Variants in CGNL1 observed in about 807,000 individuals in gnomAD.
The protein encoded by CGNL1 is cingulin-like protein 1.
Under a neutral mutation model 141.2 loss-of-function variants are expected in CGNL1, and 132 were observed. That is an observed-to-expected ratio of 0.93 (90% CI 0.81 to 1.08). The LOEUF (loss-of-function observed/expected upper bound fraction) is 1.08, where lower values mean the gene tolerates loss of function less well. Among genes scored for constraint, CGNL1 ranks in the 50% least tolerant of loss-of-function variants. The pLI is 0.00. For missense variants in CGNL1, 1,870 were observed against 1,588.6 expected (o/e 1.18, Z -3.01); for synonymous variants, 690 against 622.1 (o/e 1.11, Z -1.63).
At chr15:57,492,155 C>T (rs2063873705) in intron 8 of CGNL1, among the ~76,000 whole-genome samples, 1 of 152,210 alleles carries the variant, frequency 6.6e-6, no homozygotes, top group Non-Finnish European at 1.5e-5. Flanking sequence ...GAGGCATACA[C>T]TTGATTTATC....
At chr15:57,406,485 G>A (rs1487384428) in intron 1 of CGNL1, among the ~76,000 whole-genome samples, 1 of 152,200 alleles carries the variant, frequency 6.6e-6, no homozygotes, top group African/African-American at 2.4e-5. Context: ...TCTGAGAAGG[G>A]TGGAGGCGAG....
intron 1 of CGNL1, among the ~76,000 whole-genome samples, chr15:57,419,801 C>G (rs985863018): frequency 6.6e-6 from 1 of 152,188 alleles, no homozygotes; most frequent in Non-Finnish European, 1.5e-5. Context: ...CCCCCTCTTT[C>G]TATACTCTAG....
chr15:57,387,489 A>G (rs183587550), intron 1 of CGNL1, among the ~76,000 whole-genome samples: 158 of 152,272 alleles, frequency 1.0e-3, no homozygotes, highest in African/African-American at 3.6e-3. Context: ...CCCTCATGCC[A>G]GGTTCTTGGT....
At chr15:57,407,415 C>T (rs1008555987) in intron 1 of CGNL1, 6 of 152,256 alleles carry the variant, frequency 3.9e-5, no homozygotes, top group Admixed American at 3.9e-4. Context: ...AATTCCAGCA[C>T]TTTGGAAGGA....
chr15:57,487,543 C>T (rs17820341), intron 8 of CGNL1, among the ~76,000 whole-genome samples: 20,375 of 152,128 alleles, frequency 0.13, 1,538 homozygotes, highest in Non-Finnish European at 0.17. Flanking sequence ...ATATAAGTGT[C>T]ATTGGTTGTT....
At position 57,524,771 on chromosome 15, in the gene CGNL1, G is replaced by A. The variant is rs1339628421; in HGVS notation, c.3039+20G>A. 1.9e-6 allele frequency: 3 copies of A among 1,612,098 alleles called. No individual in the cohort carries two copies. The highest frequency in any genetic ancestry group is 1.3e-5 in the African/African-American group (1 of 74,822). On this transcript the variant is annotated intron_variant, in intron 12 of 18. Transcript: ENST00000281282. Reference sequence around the variant, plus strand: ...GATGAGGTAATGCCTGGCCAGATAAGTTCTTCCTTTATCCCTTATTCAAAG... The same window carrying A: ...GATGAGGTAATGCCTGGCCAGATAAATTCTTCCTTTATCCCTTATTCAAAG...
intron 8 of CGNL1, among the ~76,000 whole-genome samples, chr15:57,483,294 T>C (rs1260310116): frequency 1.3e-5 from 2 of 152,208 alleles, no homozygotes; most frequent in Non-Finnish European, 2.9e-5. Context: ...GCTAAACTTA[T>C]ACCTAAGGGT....
At chr15:57,522,165 T>G (rs1013592881) in intron 10 of CGNL1, among the ~76,000 whole-genome samples, 1 of 152,170 alleles carries the variant, frequency 6.6e-6, no homozygotes, top group Non-Finnish European at 1.5e-5. Context: ...CACCATCTTT[T>G]CCCCAGCAGC....
At chr15:57,437,914 A>AT in intron 1 of CGNL1, 71 bp from the exon 2 acceptor site, 1 of 1,332,144 alleles carries the variant, frequency 7.5e-7, no homozygotes, top group Admixed American at 2.2e-5. Flanking sequence ...CTTCCTAATT[A>AT]TTTCAGTCTT....
At chr15:57,462,691 C>T (rs1410612564) in intron 8 of CGNL1, among the ~76,000 whole-genome samples, 1 of 151,972 alleles carries the variant, frequency 6.6e-6, no homozygotes, top group Admixed American at 6.6e-5. Flanking sequence ...GTTAGTAGGC[C>T]CTCTCTCCCC....
At chr15:57,485,642 T>G (rs2063776347) in intron 8 of CGNL1, among the ~76,000 whole-genome samples, 1 of 152,258 alleles carries the variant, frequency 6.6e-6, no homozygotes, top group East Asian at 1.9e-4. Flanking sequence ...GTGGAATTTT[T>G]TATTTTGTAG....
chr15:57,481,608 G>A (rs1207985990), intron 8 of CGNL1, among the ~76,000 whole-genome samples: 1 of 152,140 alleles, frequency 6.6e-6, no homozygotes, highest in African/African-American at 2.4e-5. Flanking sequence ...CTTATGGGAT[G>A]TTTCTTGTTT....
At chr15:57,418,560 T>C (rs1160209001) in intron 1 of CGNL1, among the ~76,000 whole-genome samples, 2 of 152,196 alleles carry the variant, frequency 1.3e-5, no homozygotes, top group African/African-American at 4.8e-5. Flanking sequence ...GCTGTATTTT[T>C]AGCCCTCTAG....
intron 1 of CGNL1, among the ~76,000 whole-genome samples, chr15:57,379,921 T>TC (rs1444258574): frequency 6.6e-6 from 1 of 152,092 alleles, no homozygotes; most frequent in Non-Finnish European, 1.5e-5. Context: ...CAGCCTGGTG[T>TC]CCCCCGTGTC....
chr15:57,547,422 G>A lies in CGNL1; in HGVS notation c.3841G>A (p.Gly1281Arg). ...DDDDDLSTDGGSLYEAPVSYT... is the reference protein window; with the variant it reads ...DDDDDLSTDGRSLYEAPVSYT... ...CGACGATGACCTCAGCACGGATGGG[G>A]GAAGCCTCTATGAGGCGCCTGTGAG... Residue 1281 changes from glycine to arginine, a missense_variant, in exon 19 of 19, where the codon GGA (glycine) becomes AGA (arginine). Physicochemically the swap from Gly to Arg is moderately radical, Grantham distance 125 (BLOSUM62 -2). Coordinates refer to ENST00000281282, the MANE Select transcript of CGNL1 (RefSeq NM_032866.5). 1 of 1,614,198 alleles carries A rather than the reference G, an allele frequency of 6.2e-7. No individual in the cohort carries two copies. Among genetic ancestry groups the A allele is most frequent in the Non-Finnish European group, 8.5e-7 (1 of 1,180,024 alleles).
chr15:57,412,023 G>C (rs938496293), intron 1 of CGNL1, among the ~76,000 whole-genome samples: 11 of 152,200 alleles, frequency 7.2e-5, no homozygotes, highest in Admixed American at 2.0e-4. Context: ...AGAGCTTCTT[G>C]TTGTGTGACA....
At chr15:57,398,165 C>T (rs1436691743) in intron 1 of CGNL1, among the ~76,000 whole-genome samples, 2 of 152,146 alleles carry the variant, frequency 1.3e-5, no homozygotes, top group African/African-American at 4.8e-5. Flanking sequence ...TTGGAAAATA[C>T]AGAAAAGTAT....
intron 8 of CGNL1, among the ~76,000 whole-genome samples, chr15:57,467,045 T>G (rs1595734227): frequency 6.6e-6 from 1 of 152,194 alleles, no homozygotes; most frequent in Non-Finnish European, 1.5e-5. Flanking sequence ...CTTGCCATCC[T>G]TCATTTCTCC....
chr15:57,417,807 C>A (rs2062866214), intron 1 of CGNL1, among the ~76,000 whole-genome samples: 2 of 152,114 alleles, frequency 1.3e-5, no homozygotes, highest in African/African-American at 4.8e-5. Flanking sequence ...AAACAAAAAT[C>A]ATCTAAATGT....
Sources: gnomAD v4.1 joint callset for allele counts (sites outside exome capture counted in the v4.1 genomes callset) on GRCh38, gnomAD v4.1.1 for gene constraint, MANE v1.5 for transcripts, NCBI Gene and HGNC (gene_info 2026-07-23, HGNC 2026-07-21) for gene names.